SLC15A4: variants seen among roughly 807,000 people sequenced by gnomAD.
The protein encoded by SLC15A4 is hPHT1.
A neutral mutation model predicts 46.1 loss-of-function variants in SLC15A4; 26 were observed. That is an observed-to-expected ratio of 0.56 (90% CI 0.41 to 0.78). The LOEUF (loss-of-function observed/expected upper bound fraction) is 0.78. Among genes scored for constraint, SLC15A4 ranks in the 30% least tolerant of loss-of-function variants. The pLI, the probability that SLC15A4 is intolerant of heterozygous loss-of-function variation, is 0.00. For synonymous variants in SLC15A4, 370 were observed against 333.4 expected (o/e 1.11, Z -1.20); for missense variants, 751 against 755.7 (o/e 0.99, Z 0.07).
intron 7 of SLC15A4, among the ~76,000 whole-genome samples, chr12:128,797,520 C>T (rs1593002573): frequency 6.6e-6 from 1 of 152,288 alleles, no homozygotes. Context: ...CACGTTCTCC[C>T]CAGCTTAAAT....
intron 7 of SLC15A4, among the ~76,000 whole-genome samples, chr12:128,798,103 C>A (rs905549114): frequency 3.3e-5 from 5 of 152,196 alleles, no homozygotes; most frequent in Non-Finnish European, 5.9e-5. Flanking sequence ...GATTAAATGA[C>A]TAGAAAGCAA....
rs1955515686 is a variant in SLC15A4, at chr12:128,801,236, A to G, written c.1259-227T>C. 2.4e-5 allele frequency: 10 copies of G among 416,906 alleles called. No individual in the cohort carries two copies. The South Asian group carries it at 4.6e-4, about 19-fold the overall frequency. 25.8% of individuals were successfully genotyped at this position (416,906 alleles called of 1,614,324 possible). A position where few individuals can be genotyped will look rare whatever the true frequency, so the allele number is the denominator to read the frequency against. On this transcript the variant is annotated intron_variant, in intron 5 of 7. Transcript: ENST00000266771. Reference sequence around the variant, plus strand: ...CACACCTATTTCACTTCGGCTTTTTACAGCATCTTATATAAAATCAGATGT... The same window carrying G: ...CACACCTATTTCACTTCGGCTTTTTGCAGCATCTTATATAAAATCAGATGT...
intron 7 of SLC15A4, among the ~76,000 whole-genome samples, chr12:128,797,737 C>A (rs1955463305): frequency 6.6e-6 from 1 of 152,224 alleles, no homozygotes; most frequent in Non-Finnish European, 1.5e-5. Flanking sequence ...CAAGGCCACA[C>A]AAATTCAGGG....
rs375529962 is a variant in SLC15A4 at position 128,800,871 on chromosome 12, A to C, written c.1397T>G (p.Ile466Ser). ...PQYLLIGISE[I>S]FASIAGLEFA... ...GTCCTCACCTGCGATACTTGCAAAG[A>C]TCTCGCTGATCCCAATCAGCAAGTA... The change falls in exon 6 of 8, where the codon ATC (isoleucine) becomes AGC (serine). Residue 466 changes from isoleucine (I) to serine (S), a missense_variant. Coordinates refer to ENST00000266771, the MANE Select transcript of SLC15A4 (RefSeq NM_145648.4). 1.7e-5 allele frequency: 28 copies of C among 1,612,690 alleles called. No individual in the cohort carries two copies. The highest frequency in any genetic ancestry group is 5.0e-5 in the Admixed American group (3 of 59,692).
Position 128,823,690 on chromosome 12 carries a change from G to T in SLC15A4, c.254C>A (p.Thr85Asn). The part of the protein sequence containing the change: ...SEALLLFMGL[T>N]YLGSPFGGWL... Reference sequence around the variant, plus strand: ...GCCTCCGAACGGCGAGCCCAGGTAGGTGAGGCCCATGAAGAGCAGCAGCGC... The same window carrying T: ...GCCTCCGAACGGCGAGCCCAGGTAGTTGAGGCCCATGAAGAGCAGCAGCGC... The change falls in exon 1 of 8, where the codon ACC becomes AAC. Residue 85 changes from threonine to asparagine, a missense_variant. Physicochemically the swap from Thr to Asn is moderately conservative, Grantham distance 65 (BLOSUM62 0). Coordinates refer to ENST00000266771, the MANE Select transcript of SLC15A4 (RefSeq NM_145648.4). 1.3e-6 allele frequency: 2 copies of T among 1,519,544 alleles called. No individual in the cohort carries two copies. Among genetic ancestry groups the T allele is most frequent in the Non-Finnish European group, 1.8e-6 (2 of 1,141,194 alleles). 94.1% of individuals were successfully genotyped at this position (1,519,544 alleles called of 1,614,324 possible). A position where few individuals can be genotyped will look rare whatever the true frequency, so the allele number is the denominator to read the frequency against.
chr12:128,823,777 G>T lies in SLC15A4; in HGVS notation c.167C>A (p.Ser56Tyr), dbSNP rs751800780. ...CCCGTTCAGGAATAGCACCAGGTTG[G>T]ACGTGATGCCGTAGAAAGCGGCGCG... ...LERAAFYGIT[S>Y]NLVLFLNGAP... Residue 56 changes from serine (S) to tyrosine (Y), a missense_variant, in exon 1 of 8, where the codon TCC becomes TAC. Coordinates refer to ENST00000266771, the MANE Select transcript of SLC15A4 (RefSeq NM_145648.4). 6.6e-7 allele frequency: 1 copy of T among 1,522,696 alleles called. No individual in the cohort carries two copies. The highest frequency in any genetic ancestry group is 8.8e-7 in the Non-Finnish European group (1 of 1,142,596). The allele number at this position is 1,522,696 out of a possible 1,614,324, so 94.3% of individuals were successfully genotyped here. A position where few individuals can be genotyped will look rare whatever the true frequency, so the allele number is the denominator to read the frequency against.
At chr12:128,804,547 T>C (rs959070886) in intron 5 of SLC15A4, among the ~76,000 whole-genome samples, 1 of 152,132 alleles carries the variant, frequency 6.6e-6, no homozygotes. Context: ...TTGGCCAATA[T>C]GGTGAAACCC....
In SLC15A4 at chr12:128,815,032, A is replaced by T. The variant is rs1235514065; in HGVS notation, c.585T>A (p.Phe195Leu). ...GGTTAATGCTCCAATAAAACCAATT[A>T]AAAAATCTCCTAGTGGCTTCCGGAC... ...DRGPEATRRF[F>L]NWFYWSINLG... Residue 195 changes from phenylalanine to leucine, a missense_variant, in exon 2 of 8, where the codon TTT (phenylalanine) becomes TTA (leucine). Phe to Leu is a conservative substitution (Grantham distance 22). Transcript: ENST00000266771. The T allele has an allele frequency of 5.0e-6, 8 of 1,612,418 alleles. No individual in the cohort carries two copies. The highest frequency in any genetic ancestry group is 2.2e-5 in the South Asian group (2 of 91,070).
rs771772378 is a variant in SLC15A4 at position 128,808,769 on chromosome 12, G to T, written c.1258+19C>A. 2.5e-6 allele frequency: 4 copies of T among 1,612,878 alleles called. No individual in the cohort carries two copies. In the South Asian group the frequency reaches 4.4e-5, roughly 18 times the overall value. On this transcript the variant is annotated intron_variant, in intron 5 of 7. Transcript: ENST00000266771. ...GCTGCAGTCGGGCCTGAGGAGGAAC[G>T]GAGCAGAATGCCTCTTACCTGCAGC...
At chr12:128,818,867 G>A (rs1046265701) in intron 1 of SLC15A4, among the ~76,000 whole-genome samples, 7 of 152,158 alleles carry the variant, frequency 4.6e-5, no homozygotes, top group African/African-American at 1.7e-4. Flanking sequence ...CACACAACTG[G>A]GGCCTTATGT....
chr12:128,809,857 A>T, intron 3 of SLC15A4, 86 bp downstream of exon 3: 1 of 1,377,552 alleles, frequency 7.3e-7, no homozygotes, highest in Non-Finnish European at 9.9e-7. Flanking sequence ...ACCTAGTCCT[A>T]CCTACTTTAG....
At chr12:128,799,549 C>G in intron 6 of SLC15A4, 132 bp from the exon 7 acceptor site, 2 of 894,250 alleles carry the variant, frequency 2.2e-6, no homozygotes, top group Admixed American at 2.8e-5. Context: ...GGCACAACCT[C>G]TTTTCTATTA....
At chr12:128,809,618 A>C in intron 3 of SLC15A4, 145 bp from the exon 4 acceptor site, 1 of 610,170 alleles carries the variant, frequency 1.6e-6, no homozygotes. Context: ...GAAAACAGAC[A>C]GGTCAATGAT....
At chr12:128,811,575 C>T (rs868581695) in intron 2 of SLC15A4, among the ~76,000 whole-genome samples, 2 of 152,134 alleles carry the variant, frequency 1.3e-5, no homozygotes, top group African/African-American at 2.4e-5. Context: ...AACAAAAACA[C>T]CCAAAAGTGA....
chr12:128,798,797 T>C (rs962548482), intron 7 of SLC15A4, among the ~76,000 whole-genome samples: 3 of 152,208 alleles, frequency 2.0e-5, no homozygotes, highest in African/African-American at 7.2e-5. Context: ...TGTTTATTTT[T>C]AAAAGTAACT....
chr12:128,815,152 A>G, intron 1 of SLC15A4, 82 bp from the exon 2 acceptor site: 1 of 1,328,728 alleles, frequency 7.5e-7, no homozygotes, highest in East Asian at 2.3e-5. Flanking sequence ...AGTGGTTAAA[A>G]TTACCGTTGT....
At chr12:128,815,311 A>AGAGTTTTTCCAAGTATGTAGAAAAACTT (rs148696359) in intron 1 of SLC15A4, 4 of 418,634 alleles carry the variant, frequency 9.6e-6, no homozygotes, top group African/African-American at 2.0e-5. Context: ...CAAATGCTAG[A>AGAGTTTTTCCAAGTATGTAGAAAAACTT]GAGTTTTTCC....
intron 7 of SLC15A4, among the ~76,000 whole-genome samples, chr12:128,795,220 A>G (rs1955430323): frequency 6.6e-6 from 1 of 152,218 alleles, no homozygotes; most frequent in Non-Finnish European, 1.5e-5. Flanking sequence ...CAGCTGGGCA[A>G]TGTATCAAAG....
At chr12:128,799,847 C>T (rs1955494209) in intron 6 of SLC15A4, among the ~76,000 whole-genome samples, 1 of 151,952 alleles carries the variant, frequency 6.6e-6, no homozygotes, top group South Asian at 2.1e-4. Context: ...TATACTTTAT[C>T]TTTTTTTTGT....
Sources: allele counts gnomAD v4.1 joint callset (sites outside exome capture counted in the v4.1 genomes callset), GRCh38; gene constraint gnomAD v4.1.1; transcripts MANE v1.5; gene names NCBI Gene and HGNC (gene_info 2026-07-23, HGNC 2026-07-21).